RPA1: variants seen among roughly 807,000 people sequenced by gnomAD.
The protein encoded by RPA1 is replication protein A1, also known as replication protein A 70 kDa DNA-binding subunit.
In RPA1, 49 loss-of-function variants were observed where a neutral mutation model predicts 83.0. The observed-to-expected ratio is 0.59, with a 90% CI of 0.47 to 0.75. The LOEUF (loss-of-function observed/expected upper bound fraction) is 0.75. Ranked by LOEUF, RPA1 falls within the 30% of genes least tolerant of loss-of-function variation. The pLI, the probability that RPA1 is intolerant of heterozygous loss-of-function variation, is 0.00. For missense variants in RPA1, 693 were observed against 776.1 expected (o/e 0.89, Z 1.27); for synonymous variants, 279 against 281.8 (o/e 0.99, Z 0.10).
intron 4 of RPA1, among the ~76,000 whole-genome samples, chr17:1,846,950 C>G (rs1263256597): frequency 6.6e-6 from 1 of 152,106 alleles, no homozygotes. Context: ...GCTGTTCAAG[C>G]TCCCTTTTCT....
At chr17:1,831,017 C>G (rs892721732) in intron 1 of RPA1, among the ~76,000 whole-genome samples, 16 of 152,098 alleles carry the variant, frequency 1.1e-4, no homozygotes, top group African/African-American at 3.9e-4. Context: ...CCGCCCGCCT[C>G]GGCCTCCCAA....
intron 6 of RPA1, among the ~76,000 whole-genome samples, chr17:1,874,974 A>G (rs1355101867): frequency 6.6e-6 from 1 of 152,238 alleles, no homozygotes; most frequent in Non-Finnish European, 1.5e-5. Flanking sequence ...AGTTTTGCAG[A>G]TACGTGGTGC....
rs961322361 is a variant in RPA1 at position 1,887,559 on chromosome 17, G to GA, written c.1375-1102dup. 1.0e-2 allele frequency among the ~76,000 whole-genome samples: 1,196 copies of GA among 119,822 alleles called. 17 individuals are homozygous for GA. The highest frequency in any genetic ancestry group is 0.029 in the African/African-American group (930 of 32,396). 78.6% of individuals were successfully genotyped at this position (119,822 alleles called of 152,430 possible). The stretch of plus-strand genomic sequence containing the variant: ...GGTGACAGAGCGAGACTCCGTCTCA[G>GA]AAAAAAAAAAAAAATCACCATAACA... On this transcript the variant is annotated intron_variant, in intron 13 of 16. Coordinates refer to ENST00000254719, the MANE Select transcript of RPA1 (RefSeq NM_002945.5).
intron 2 of RPA1, among the ~76,000 whole-genome samples, chr17:1,843,619 T>TATC (rs897267784): frequency 7.4e-5 from 11 of 148,738 alleles, no homozygotes; most frequent in African/African-American, 2.7e-4. Flanking sequence ...TTATTATTAT[T>TATC]ATTATTATTA....
chr17:1,840,545 C>T (rs1452063015), intron 1 of RPA1, among the ~76,000 whole-genome samples: 2 of 152,022 alleles, frequency 1.3e-5, no homozygotes, highest in Admixed American at 6.6e-5. Context: ...CTTGGCCTCC[C>T]AAAGTGCTAG....
At chr17:1,846,593 TA>T (rs912946890) in intron 4 of RPA1, among the ~76,000 whole-genome samples, 24 of 152,310 alleles carry the variant, frequency 1.6e-4, no homozygotes, top group African/African-American at 5.5e-4. Flanking sequence ...GTGCTGGGAT[TA>T]CAGGCGTGAG....
intron 7 of RPA1, among the ~76,000 whole-genome samples, chr17:1,876,902 C>T (rs1644840075): frequency 1.3e-5 from 2 of 152,170 alleles, no homozygotes; most frequent in South Asian, 4.1e-4. Context: ...CTGTATTTTC[C>T]AGCTTAGAAC....
rs1217635648 is a variant in RPA1, at chr17:1,875,800, T to A, written c.587+7T>A. The A allele has an allele frequency of 1.9e-6, 3 of 1,611,930 alleles. No homozygotes were observed. The African/African-American group carries it at 4.0e-5, about 22-fold the overall frequency. On this transcript the variant is annotated splice_region_variant and intron_variant, in intron 7 of 16. Coordinates refer to ENST00000254719, the MANE Select transcript of RPA1 (RefSeq NM_002945.5). ...TCACTCCTTACCAGTCCAAGTGAGT[T>A]GTTGCATAGAGTAAGTTCAGAGTGT...
chr17:1,867,202 T>C (rs1416881719), intron 5 of RPA1, among the ~76,000 whole-genome samples: 3 of 152,216 alleles, frequency 2.0e-5, no homozygotes, highest in Non-Finnish European at 2.9e-5. Context: ...GAATTTGTTA[T>C]CACATTCTCA....
chr17:1,839,486 C>T (rs1008481267), intron 1 of RPA1, among the ~76,000 whole-genome samples: 3 of 151,894 alleles, frequency 2.0e-5, no homozygotes, highest in Non-Finnish European at 4.4e-5. Flanking sequence ...CCACCACACC[C>T]AGCCAATTTT....
rs2230930 is a variant in RPA1 at position 1,879,663 on chromosome 17, C to A, written c.1056C>A (p.Ser352=). 6.2e-7 allele frequency: 1 copy of A among 1,614,038 alleles called. No individual in the cohort carries two copies. Among genetic ancestry groups the A allele is most frequent in the South Asian group, 1.1e-5 (1 of 91,084 alleles). The part of the protein sequence containing the change: ...AKRNIYLMDT[S]GKVVTATLWG... ...GGAATATCTACTTGATGGACACATC[C>A]GGGAAGGTGGTGACTGCTACACTGT... is the stretch of plus-strand genomic sequence containing the variant. The change falls in exon 11 of 17, where the codon TCC becomes TCA. Residue 352 remains serine (S), a synonymous_variant. Transcript: ENST00000254719.
intron 6 of RPA1, among the ~76,000 whole-genome samples, chr17:1,874,028 T>C (rs995324146): frequency 0.063 from 6,490 of 102,250 alleles, 266 homozygotes; most frequent in Non-Finnish European, 0.075. Flanking sequence ...TATATATATA[T>C]ATATACACAC....
chr17:1,850,249 A>G (rs564441174), intron 4 of RPA1, among the ~76,000 whole-genome samples: 1 of 151,686 alleles, frequency 6.6e-6, no homozygotes, highest in South Asian at 2.1e-4. Flanking sequence ...AAATAATCCT[A>G]GGGCTAGGCT....
chr17:1,846,187 C>G (rs1912248688), intron 4 of RPA1, among the ~76,000 whole-genome samples: 1 of 151,928 alleles, frequency 6.6e-6, no homozygotes, highest in South Asian at 2.1e-4. Flanking sequence ...TGACCACTTG[C>G]CTGGCTGTCT....
Position 1,883,710 on chromosome 17 carries a change from TG to T in RPA1, c.1242-100del, listed in dbSNP as rs942738530. The T allele has an allele frequency of 5.4e-6, 8 of 1,489,326 alleles. No homozygotes were observed. The African/African-American group carries it at 1.1e-4, about 21-fold the overall frequency. The allele number at this position is 1,489,326 out of a possible 1,614,324, so 92.3% of individuals were successfully genotyped here. ...GTGACCTGTGTGAAAGCTGGGCGGG[TG>T]GTGGGAAACCTGTGTCTGTCGCGTA... On this transcript the variant is annotated intron_variant, in intron 12 of 16. Coordinates refer to ENST00000254719, the MANE Select transcript of RPA1 (RefSeq NM_002945.5).
intron 1 of RPA1, among the ~76,000 whole-genome samples, chr17:1,833,908 G>A (rs1434499203): frequency 3.9e-5 from 6 of 152,160 alleles, no homozygotes; most frequent in African/African-American, 7.2e-5. Flanking sequence ...TGGGCCAGGC[G>A]CAGTGGCTCA....
At chr17:1,848,688 T>A (rs1049484907) in intron 4 of RPA1, among the ~76,000 whole-genome samples, 1 of 146,062 alleles carries the variant, frequency 6.8e-6, no homozygotes, top group African/African-American at 2.5e-5. Flanking sequence ...CTCAGCCTCC[T>A]GGGTAGCTGG....
At chr17:1,866,363 G>C (rs1231812785) in intron 5 of RPA1, among the ~76,000 whole-genome samples, 1 of 151,870 alleles carries the variant, frequency 6.6e-6, no homozygotes, top group Non-Finnish European at 1.5e-5. Context: ...CACCCAGGGT[G>C]GAGTGCAATG....
intron 5 of RPA1, among the ~76,000 whole-genome samples, chr17:1,871,840 G>C (rs971851276): frequency 6.6e-6 from 1 of 152,044 alleles, no homozygotes; most frequent in African/African-American, 2.4e-5. Flanking sequence ...CGCTGTGACA[G>C]TTCACCAGCA....
Sources: allele counts gnomAD v4.1 joint callset (sites outside exome capture counted in the v4.1 genomes callset), GRCh38; gene constraint gnomAD v4.1.1; transcripts MANE v1.5; gene names NCBI Gene and HGNC (gene_info 2026-07-23, HGNC 2026-07-21).